Variants in SSBP2 observed in about 807,000 individuals in gnomAD.
SSBP2 encodes single-stranded DNA-binding protein 2.
In SSBP2, 17 loss-of-function variants were observed where a neutral mutation model predicts 61.8. The observed-to-expected ratio is 0.28, with a 90% CI of 0.19 to 0.41. SSBP2 has a LOEUF of 0.41. Ranked by LOEUF, SSBP2 falls within the 10% of genes least tolerant of loss-of-function variation. The pLI is 1.00. For synonymous variants in SSBP2, 139 were observed against 141.3 expected (o/e 0.98, Z 0.12); for missense variants, 310 against 458.7 (o/e 0.68, Z 2.96).
Position 81,480,079 on chromosome 5 carries a change from A to C in SSBP2, c.433-5517T>G, listed in dbSNP as rs551289860. Among the ~76,000 whole-genome samples the C allele has an allele frequency of 1.1e-4, 16 of 152,272 alleles. No homozygotes were observed. The South Asian group carries it at 3.1e-3, about 30-fold the overall frequency. ...GCTCAAGATTGGATTAACATATTCCAAAAGTTCTGAAAGATGTGCCTTAAA... is the reference window on the plus strand; with the variant it reads ...GCTCAAGATTGGATTAACATATTCCCAAAGTTCTGAAAGATGTGCCTTAAA... On this transcript the variant is annotated intron_variant, in intron 6 of 16. Coordinates refer to ENST00000320672, the MANE Select transcript of SSBP2 (RefSeq NM_012446.5).
intron 1 of SSBP2, among the ~76,000 whole-genome samples, chr5:81,691,193 TTAG>T (rs1345930447): frequency 2.6e-5 from 4 of 151,552 alleles, no homozygotes; most frequent in Admixed American, 6.6e-5. Flanking sequence ...AAGCCCAAAA[TTAG>T]TAGAAGGAAA....
intron 1 of SSBP2, among the ~76,000 whole-genome samples, chr5:81,726,114 A>T (rs1293615612): frequency 6.6e-6 from 1 of 152,222 alleles, no homozygotes; most frequent in Non-Finnish European, 1.5e-5. Context: ...ATTAGAATGA[A>T]TACTGGGGAT....
chr5:81,751,304 C>T (rs1356274361), upstream of SSBP2: 15 of 564,894 alleles, frequency 2.7e-5, no homozygotes, highest in African/African-American at 5.7e-5. Flanking sequence ...CCCTCCCTCC[C>T]GCCTTCCCTC....
At chr5:81,711,849 A>C (rs1405344229) in intron 1 of SSBP2, among the ~76,000 whole-genome samples, 1 of 152,034 alleles carries the variant, frequency 6.6e-6, no homozygotes, top group Non-Finnish European at 1.5e-5. Context: ...TTGACTATGG[A>C]AAACTACATA....
chr5:81,565,124 A>G (rs1452410734), intron 4 of SSBP2, among the ~76,000 whole-genome samples: 1 of 152,190 alleles, frequency 6.6e-6, no homozygotes, highest in African/African-American at 2.4e-5. Context: ...GTTATAATAA[A>G]AGCAACTTAT....
chr5:81,665,740 G>C (rs967731284), intron 1 of SSBP2, among the ~76,000 whole-genome samples: 1 of 152,060 alleles, frequency 6.6e-6, no homozygotes, highest in African/African-American at 2.4e-5. Context: ...CCTGACCTCA[G>C]GTGATCTACC....
intron 4 of SSBP2, among the ~76,000 whole-genome samples, chr5:81,546,889 C>A (rs1223753164): frequency 3.3e-5 from 5 of 151,016 alleles, no homozygotes; most frequent in Non-Finnish European, 5.9e-5. Context: ...TCCATAAAAC[C>A]TTTATAGAAC....
chr5:81,616,844 T>G (rs1228376630), intron 3 of SSBP2, among the ~76,000 whole-genome samples: 2 of 152,158 alleles, frequency 1.3e-5, no homozygotes, highest in Non-Finnish European at 2.9e-5. Flanking sequence ...AGGGGCAGAC[T>G]GACACCTCAC....
intron 4 of SSBP2, among the ~76,000 whole-genome samples, chr5:81,528,513 G>C (rs370360584): frequency 6.6e-6 from 1 of 152,064 alleles, no homozygotes; most frequent in East Asian, 1.9e-4. Flanking sequence ...ACTGTTTTTA[G>C]TATCATTTCA....
intron 1 of SSBP2, among the ~76,000 whole-genome samples, chr5:81,715,112 G>A (rs1371423895): frequency 1.3e-5 from 2 of 152,086 alleles, no homozygotes; most frequent in African/African-American, 4.8e-5. Flanking sequence ...CAAAGAAAAT[G>A]GGGATTCTAA....
chr5:81,668,589 G>A (rs1424703844), intron 1 of SSBP2, among the ~76,000 whole-genome samples: 2 of 151,794 alleles, frequency 1.3e-5, no homozygotes, highest in Non-Finnish European at 2.9e-5. Context: ...TTCAATGCTG[G>A]TTATTTTTAG....
intron 1 of SSBP2, among the ~76,000 whole-genome samples, chr5:81,750,464 T>C (rs1757673950): frequency 7.3e-6 from 1 of 136,764 alleles, no homozygotes; most frequent in South Asian, 2.3e-4. Flanking sequence ...CGCCCCGCGC[T>C]CGCGGCCCTA....
rs184922516 is a variant in SSBP2 at position 81,645,704 on chromosome 5, T to A, written c.135+4563A>T. Among the ~76,000 whole-genome samples, 553 of 152,300 alleles carry A rather than the reference T, an allele frequency of 3.6e-3. 10 individuals are homozygous for A. The highest frequency in any genetic ancestry group is 1.1e-3 in the Non-Finnish European group (77 of 68,024). ...GATTCCTTAGCATTCTGTTTGTAAT[T>A]ATTAAATGTTGAAGAATAACAAAGA... On this transcript the variant is annotated intron_variant, in intron 2 of 16. Coordinates refer to ENST00000320672, the MANE Select transcript of SSBP2 (RefSeq NM_012446.5).
intron 15 of SSBP2, among the ~76,000 whole-genome samples, chr5:81,433,628 T>G (rs1438298087): frequency 6.6e-6 from 1 of 150,458 alleles, no homozygotes; most frequent in East Asian, 1.9e-4. Context: ...ACAAACCATA[T>G]ACTTCTCTCT....
intron 4 of SSBP2, among the ~76,000 whole-genome samples, chr5:81,570,481 A>G (rs1773752242): frequency 6.6e-6 from 1 of 152,194 alleles, no homozygotes; most frequent in Admixed American, 6.5e-5. Context: ...AATATATAAC[A>G]AGATCACATT....
intron 4 of SSBP2, among the ~76,000 whole-genome samples, chr5:81,526,842 G>A (rs1769982249): frequency 6.6e-6 from 1 of 151,742 alleles, no homozygotes; most frequent in South Asian, 2.1e-4. Flanking sequence ...AAATTAGAAA[G>A]GGGAAAAATA....
At chr5:81,505,139 GC>G (rs1156570164) in intron 5 of SSBP2, among the ~76,000 whole-genome samples, 1 of 147,652 alleles carries the variant, frequency 6.8e-6, no homozygotes, top group Non-Finnish European at 1.5e-5. Flanking sequence ...GCCAAATGCT[GC>G]CCATCACCTG....
intron 14 of SSBP2, among the ~76,000 whole-genome samples, chr5:81,438,861 T>C (rs1762834671): frequency 6.6e-6 from 1 of 152,222 alleles, no homozygotes; most frequent in Non-Finnish European, 1.5e-5. Flanking sequence ...GATGGAAATG[T>C]TTCTCTGTGA....
intron 1 of SSBP2, among the ~76,000 whole-genome samples, chr5:81,695,964 A>G (rs1753573535): frequency 6.6e-6 from 1 of 152,198 alleles, no homozygotes. Flanking sequence ...CATGTGCTCT[A>G]TAGACATTCA....
Sources: gnomAD v4.1 joint callset for allele counts (sites outside exome capture counted in the v4.1 genomes callset) on GRCh38, gnomAD v4.1.1 for gene constraint, MANE v1.5 for transcripts, NCBI Gene and HGNC (gene_info 2026-07-23, HGNC 2026-07-21) for gene names.